Variants in SYNE2 observed in about 807,000 individuals in gnomAD.
The protein encoded by SYNE2 is nesprin-2.
In SYNE2, 431 loss-of-function variants were observed where a neutral mutation model predicts 856.3. The ratio of observed to expected loss-of-function variants is 0.50; its 90% CI spans 0.47 to 0.55. The LOEUF (loss-of-function observed/expected upper bound fraction) is 0.55, where lower values mean the gene tolerates loss of function less well. Among genes scored for constraint, SYNE2 ranks in the 20% least tolerant of loss-of-function variants. The probability of loss-of-function intolerance (pLI) is 0.00; values close to 1 mark genes in which losing one functional copy is unlikely to be tolerated. For synonymous variants in SYNE2, 2,923 were observed against 2,872.3 expected (o/e 1.02, Z -0.56); for missense variants, 8,129 against 8,023.2 (o/e 1.01, Z -0.50).
intron 96 of SYNE2, among the ~76,000 whole-genome samples, chr14:64,186,129 C>G (rs890786836): frequency 4.6e-5 from 7 of 152,156 alleles, no homozygotes; most frequent in Non-Finnish European, 4.4e-5. Flanking sequence ...AATACACTTT[C>G]CTCTAAATGA....
chr14:64,103,850 C>G (rs927664732), intron 64 of SYNE2, among the ~76,000 whole-genome samples: 6 of 152,172 alleles, frequency 3.9e-5, no homozygotes, highest in Non-Finnish European at 8.8e-5. Flanking sequence ...GACTTCCTTC[C>G]CATCCACAAA....
Position 64,052,763 on chromosome 14 carries a change from A to G in SYNE2, c.8850A>G (p.Glu2950=), listed in dbSNP as rs756709209. 3 of 1,612,432 alleles carry G rather than the reference A, an allele frequency of 1.9e-6. No homozygotes were observed. The African/African-American group carries it at 4.0e-5, about 22-fold the overall frequency. The change falls in exon 48 of 116, where the codon GAA becomes GAG. Residue 2950 remains glutamate, a synonymous_variant. Transcript: ENST00000555002. Reference sequence around the variant, plus strand: ...TAAAGTTTTGCAGACAATTCCATGAAAAAACATCAGCGCTTCAGGAGGAGG... The same window carrying G: ...TAAAGTTTTGCAGACAATTCCATGAGAAAACATCAGCGCTTCAGGAGGAGG... The part of the protein sequence containing the change: ...HKIKFCRQFH[E]KTSALQEEAD...
intron 1 of SYNE2, among the ~76,000 whole-genome samples, chr14:63,847,034 T>C (rs1473503518): frequency 4.0e-5 from 6 of 149,374 alleles, no homozygotes; most frequent in African/African-American, 1.2e-4. Flanking sequence ...GTTGCCCAGG[T>C]TGGTCTTGAA....
chr14:64,159,556 C>T, intron 87 of SYNE2, 114 bp downstream of exon 87: 3 of 1,264,854 alleles, frequency 2.4e-6, no homozygotes, highest in African/African-American at 1.5e-5. Flanking sequence ...GACTGGTTTC[C>T]TACTGTTCTG....
At chr14:64,217,374 G>A (rs986620080) in intron 108 of SYNE2, among the ~76,000 whole-genome samples, 1 of 152,180 alleles carries the variant, frequency 6.6e-6, no homozygotes, top group Non-Finnish European at 1.5e-5. Context: ...TGAGTTCTTG[G>A]CATGCTCTGG....
chr14:63,900,463 A>G (rs143228504), intron 1 of SYNE2, among the ~76,000 whole-genome samples: 9 of 152,256 alleles, frequency 5.9e-5, no homozygotes, highest in African/African-American at 2.2e-4. Flanking sequence ...AACTCCCCCA[A>G]TAGTAACCAT....
chr14:64,176,779 T>TTTTATTTATTTATTTATTTA (rs370375972), intron 95 of SYNE2, among the ~76,000 whole-genome samples: 1 of 150,260 alleles, frequency 6.7e-6, no homozygotes, highest in African/African-American at 2.4e-5. Flanking sequence ...ACTTTTTTAT[T>TTTTATTTATTTATTTATTTA]TTTATTTATT....
intron 66 of SYNE2, among the ~76,000 whole-genome samples, chr14:64,118,862 GAA>G (rs1174672336): frequency 1.5e-5 from 1 of 67,654 alleles, no homozygotes; most frequent in Non-Finnish European, 3.1e-5. Context: ...CTCCGTCTCA[GAA>G]AAAAAAAAAA....
Position 64,209,987 on chromosome 14 carries a change from A to T in SYNE2, c.18586A>T (p.Ile6196Phe). ...TGAGCGGCTCACTCAGCTGGAGCTC[A>T]TCAACAAGCAGTACCGGCGGCTGGC... ...IHERLTQLELINKQYRRLARE... is the reference protein window; with the variant it reads ...IHERLTQLELFNKQYRRLARE... Residue 6196 changes from isoleucine to phenylalanine, a missense_variant, in exon 103 of 116, where the codon ATC becomes TTC. By Grantham distance (21) the Ile-to-Phe change is conservative (BLOSUM62 0). Around this residue, in one of 3 missense-constraint regions of SYNE2, gnomAD observed 5,410 missense variants for 5,284.8 expected, o/e 1.02. Coordinates refer to ENST00000555002, the MANE Select transcript of SYNE2 (RefSeq NM_182914.3). 1.2e-6 allele frequency: 2 copies of T among 1,614,092 alleles called. No homozygotes were observed. Among genetic ancestry groups the T allele is most frequent in the Non-Finnish European group, 1.7e-6 (2 of 1,179,980 alleles).
At position 63,954,811 on chromosome 14, in the gene SYNE2, T is replaced by C; in HGVS notation, c.683T>C (p.Ile228Thr). Residue 228 changes from isoleucine (I) to threonine (T), a missense_variant, in exon 8 of 116, where the codon ATT becomes ACT. Physicochemically the swap from Ile to Thr is moderately conservative, Grantham distance 89. Coordinates refer to ENST00000555002, the MANE Select transcript of SYNE2 (RefSeq NM_182914.3). ...ATTCATGCCTTGCGACCAGACCTAA[T>C]TGACATGAAGAGTGTGAAGCATAGA... ...AIIHALRPDLIDMKSVKHRSN... is the reference protein window; with the variant it reads ...AIIHALRPDLTDMKSVKHRSN... The C allele has an allele frequency of 6.2e-7, 1 of 1,614,082 alleles. No homozygotes were observed. Among genetic ancestry groups the C allele is most frequent in the Non-Finnish European group, 8.5e-7 (1 of 1,179,972 alleles).
chr14:63,936,763 C>G (rs1388727448), intron 2 of SYNE2, among the ~76,000 whole-genome samples: 2 of 152,142 alleles, frequency 1.3e-5, no homozygotes, highest in Non-Finnish European at 2.9e-5. Context: ...ACATCACTGC[C>G]TGCTGTGCTG....
chr14:63,858,287 T>C (rs1892450330), intron 1 of SYNE2, among the ~76,000 whole-genome samples: 1 of 136,312 alleles, frequency 7.3e-6, no homozygotes, highest in African/African-American at 2.8e-5. Flanking sequence ...TTTTTTTTTT[T>C]TTTTTTTGAT....
chr14:64,201,365 T>C (rs2139946263), intron 99 of SYNE2, among the ~76,000 whole-genome samples: 1 of 152,316 alleles, frequency 6.6e-6, no homozygotes, highest in Middle Eastern at 3.4e-3. Flanking sequence ...TATTTGTCCA[T>C]TCACCAAGCA....
At chr14:63,860,689 G>T (rs1279706271) in intron 1 of SYNE2, among the ~76,000 whole-genome samples, 1 of 152,180 alleles carries the variant, frequency 6.6e-6, no homozygotes, top group South Asian at 2.1e-4. Context: ...TCAGTGAGTA[G>T]CTCTTCTCTA....
At chr14:63,817,793 G>GTGGGCACATCA in intron 1 of SYNE2, among the ~76,000 whole-genome samples, 1 of 152,054 alleles carries the variant, frequency 6.6e-6, no homozygotes, top group South Asian at 2.1e-4. Context: ...GGAGGCCAAG[G>GTGGGCACATCA]CAGGAGGATT....
chr14:63,816,452 A>G (rs1017060020), intron 1 of SYNE2, among the ~76,000 whole-genome samples: 3 of 152,170 alleles, frequency 2.0e-5, no homozygotes, highest in Non-Finnish European at 4.4e-5. Context: ...GGGGTTCAAG[A>G]CATGCTACCC....
chr14:64,073,135 T>C (rs2097425792), intron 52 of SYNE2, among the ~76,000 whole-genome samples: 1 of 152,102 alleles, frequency 6.6e-6, no homozygotes, highest in Non-Finnish European at 1.5e-5. Flanking sequence ...TAATTGGCCA[T>C]TGGCGATCAA....
chr14:63,974,394 C>T (rs184461204), intron 11 of SYNE2, among the ~76,000 whole-genome samples: 11 of 152,028 alleles, frequency 7.2e-5, no homozygotes, highest in South Asian at 2.1e-4. Flanking sequence ...GAAGCGAGAG[C>T]GAGAGAGACA....
Position 64,126,355 on chromosome 14 carries a change from A to G in SYNE2, c.13583A>G (p.Asn4528Ser), listed in dbSNP as rs774319114. ...AATATGACAGAAGAAGCATATATCAATTTGGATAAAAAATTGTTTGAACTA... is the reference window on the plus strand; with the variant it reads ...AATATGACAGAAGAAGCATATATCAGTTTGGATAAAAAATTGTTTGAACTA... Reference protein sequence around the residue: ...QENMTEEAYINLDKKLFELFL... With the variant: ...QENMTEEAYISLDKKLFELFL... Residue 4528 changes from asparagine to serine, a missense_variant, in exon 72 of 116, where the codon AAT becomes AGT. Transcript: ENST00000555002. 12 of 1,614,068 alleles carry G rather than the reference A, an allele frequency of 7.4e-6. No individual in the cohort carries two copies. The highest frequency in any genetic ancestry group is 1.0e-5 in the Non-Finnish European group (12 of 1,179,956).
Sources: allele counts gnomAD v4.1 joint callset (sites outside exome capture counted in the v4.1 genomes callset), GRCh38; gene constraint gnomAD v4.1.1; regional missense constraint gnomAD v4.1.1; transcripts MANE v1.5; gene names NCBI Gene and HGNC (gene_info 2026-07-23, HGNC 2026-07-21).